USP9X: variants seen among roughly 807,000 people sequenced by gnomAD.
USP9X encodes ubiquitin carboxyl-terminal hydrolase 9X.
A neutral mutation model predicts 190.3 loss-of-function variants in USP9X; 7 were observed. The ratio of observed to expected loss-of-function variants is 0.04; its 90% CI spans 0.02 to 0.07. The LOEUF (loss-of-function observed/expected upper bound fraction) is 0.07, where lower values mean the gene tolerates loss of function less well. Ranked by LOEUF, USP9X falls within the 10% of genes least tolerant of loss-of-function variation. USP9X has a pLI of 1.00. For missense variants in USP9X, 1,010 were observed against 1,916.9 expected, an observed-to-expected ratio of 0.53 and a Z score of 8.83; for synonymous variants, 645 against 659.5, an observed-to-expected ratio of 0.98 and a Z score of 0.34.
intron 1 of USP9X, among the ~76,000 whole-genome samples, chrX:41,122,623 C>T (rs746561991): frequency 8.9e-6 from 1 of 112,101 alleles, no homozygotes; most frequent in East Asian, 2.8e-4. Context: ...TCCTTTAGCC[C>T]TGCTGTCCCA....
intron 44 of USP9X, among the ~76,000 whole-genome samples, chrX:41,231,167 G>C (rs2063356334): frequency 9.0e-6 from 1 of 111,684 alleles, no homozygotes; most frequent in Non-Finnish European, 1.9e-5. Flanking sequence ...GTGAGGCAGT[G>C]GTACTCAAAC....
At chrX:41,148,909 T>A (rs959470574) in intron 12 of USP9X, among the ~76,000 whole-genome samples, 6 of 112,143 alleles carry the variant, frequency 5.4e-5, no homozygotes, top group African/African-American at 1.9e-4. Flanking sequence ...AATTAGGTTT[T>A]CTTTGCTCAT....
At chrX:41,188,563 T>G (rs887510868) in intron 25 of USP9X, among the ~76,000 whole-genome samples, 1 of 112,228 alleles carries the variant, frequency 8.9e-6, no homozygotes, top group African/African-American at 3.2e-5. Flanking sequence ...GCAAATTATC[T>G]ACAGAAGAGA....
intron 29 of USP9X, among the ~76,000 whole-genome samples, chrX:41,197,882 G>A (rs1361636368): frequency 4.5e-5 from 5 of 110,015 alleles, no homozygotes; most frequent in African/African-American, 6.6e-5. Context: ...GTGTGGTGGC[G>A]CACACCCATG....
At chrX:41,152,333 C>T (rs2062535956) in intron 13 of USP9X, among the ~76,000 whole-genome samples, 1 of 112,013 alleles carries the variant, frequency 8.9e-6, no homozygotes, top group African/African-American at 3.2e-5. Flanking sequence ...CAGTAGTTCA[C>T]ATACTCTCCC....
Position 41,186,586 on chromosome X carries a change from T to C in USP9X, c.3628T>C (p.Ser1210Pro). The C allele has an allele frequency of 8.3e-7, 1 of 1,211,089 alleles. No individual in the cohort carries two copies. The highest frequency in any genetic ancestry group is 1.1e-6 in the Non-Finnish European group (1 of 894,998). The stretch of plus-strand genomic sequence containing the variant: ...CCTTCAGAGCATTCCTAATCCATCA[T>C]CCGAGTGCATGCTTAGAAATGTGTC... ...SALQSIPNPS[S>P]ECMLRNVSVR... The change falls in exon 24 of 45, where the codon TCC (serine) becomes CCC (proline). Residue 1210 changes from serine to proline, a missense_variant. Physicochemically the swap from Ser to Pro is moderately conservative, Grantham distance 74. Transcript: ENST00000378308.
intron 18 of USP9X, 32 bp from the exon 19 acceptor site, chrX:41,169,963 A>G (rs2062710483): frequency 8.3e-7 from 1 of 1,206,902 alleles, no homozygotes; most frequent in East Asian, 3.0e-5. Flanking sequence ...TCTGCTGAAT[A>G]TGATGATGTC....
At position 41,232,800 on chromosome X, in the gene USP9X, C is replaced by A; in HGVS notation, c.*276C>A. 5.9e-6 allele frequency: 1 copy of A among 168,265 alleles called. No individual in the cohort carries two copies. The allele number at this position is 168,265 out of a possible 1,213,427, so 13.9% of individuals were successfully genotyped here. Reference sequence around the variant, plus strand: ...TTAATGTTGACTGTTAATTCTTAAGCAAGAAACTTTTTTCTTGATGAGACT... The same window carrying A: ...TTAATGTTGACTGTTAATTCTTAAGAAAGAAACTTTTTTCTTGATGAGACT... On this transcript the variant is annotated 3_prime_UTR_variant, in exon 45 of 45. Transcript: ENST00000378308.
rs1467514520 is a variant in USP9X at position 41,175,226 on chromosome X, A to C, written c.3148+3268A>C. ...GCACTTGTGTGCTCTTTGGCTCAAG[A>C]TGTTTAAGATTAGGTCAAGTGTAGT... On this transcript the variant is annotated intron_variant, in intron 21 of 44. Coordinates refer to ENST00000378308, the MANE Select transcript of USP9X (RefSeq NM_001039591.3). Among the ~76,000 whole-genome samples the C allele has an allele frequency of 2.7e-5, 3 of 111,528 alleles. No individual in the cohort carries two copies. The East Asian group carries it at 8.4e-4, about 31-fold the overall frequency.
At chrX:41,197,575 T>C (rs2062996395) in intron 29 of USP9X, 65 bp downstream of exon 29, 2 of 990,369 alleles carry the variant, frequency 2.0e-6, no homozygotes, top group South Asian at 2.8e-5. Flanking sequence ...TAATCAAATT[T>C]AATTAATTTA....
chrX:41,149,111 T>C (rs1194596473), intron 12 of USP9X, among the ~76,000 whole-genome samples: 1 of 112,062 alleles, frequency 8.9e-6, no homozygotes, highest in African/African-American at 3.2e-5. Context: ...TGAACTGGTA[T>C]TTAGGTAAGA....
chrX:41,208,505 G>A (rs1373911169), intron 32 of USP9X, among the ~76,000 whole-genome samples: 1 of 111,785 alleles, frequency 8.9e-6, no homozygotes, highest in African/African-American at 3.3e-5. Flanking sequence ...AAGCGGGTTA[G>A]TTAACTACAC....
intron 26 of USP9X, among the ~76,000 whole-genome samples, chrX:41,193,944 C>T (rs1052137251): frequency 8.9e-6 from 1 of 112,153 alleles, no homozygotes; most frequent in Admixed American, 9.5e-5. Context: ...CGGGTATTCA[C>T]GAGCATCAAC....
chrX:41,214,004 T>C (rs1202111601), intron 33 of USP9X, among the ~76,000 whole-genome samples: 6 of 112,267 alleles, frequency 5.3e-5, no homozygotes, highest in Non-Finnish European at 3.8e-5. Context: ...TCACCAGAAA[T>C]TGGAAAGTCT....
At position 41,148,572 on chromosome X, in the gene USP9X, C is replaced by T; in HGVS notation, c.1623C>T (p.Ser541=). The T allele has an allele frequency of 8.3e-7, 1 of 1,210,427 alleles. No homozygotes were observed. Among genetic ancestry groups the T allele is most frequent in the Non-Finnish European group, 1.1e-6 (1 of 894,597 alleles). Residue 541 remains serine, a synonymous_variant, in exon 12 of 45, where the codon TCC becomes TCT. Coordinates refer to ENST00000378308, the MANE Select transcript of USP9X (RefSeq NM_001039591.3). ...AHIKILDYSC[S]QDRDTQKIQW... is the part of the protein sequence containing the mutation. ...TAAAAATACTAGATTACAGTTGCTCCCAGGTAAGAGTGTACTGCTTTGCTC... is the reference window on the plus strand; with the variant it reads ...TAAAAATACTAGATTACAGTTGCTCTCAGGTAAGAGTGTACTGCTTTGCTC...
intron 31 of USP9X, among the ~76,000 whole-genome samples, chrX:41,203,720 CAG>C (rs2063063524): frequency 9.0e-6 from 1 of 110,587 alleles, no homozygotes; most frequent in Admixed American, 9.7e-5. Flanking sequence ...TTTTTTCAGA[CAG>C]AGTCTCACTC....
rs2063232086 is a variant in USP9X at position 41,218,438 on chromosome X, C to T, written c.6276C>T (p.Val2092=). The change falls in exon 37 of 45, where the codon GTC becomes GTT. Residue 2092 remains valine (V), a synonymous_variant. Transcript: ENST00000378308. ...TACGTTTTTGGTTTGCTCATAACGT[C>T]CTTTTTAATGTTTCAAATCGCTTCT... ...KNVRFWFAHN[V]LFNVSNRFSE... The T allele has an allele frequency of 3.3e-6, 4 of 1,209,683 alleles. No individual in the cohort carries two copies. In the Admixed American group the frequency reaches 8.8e-5, roughly 26 times the overall value.
chrX:41,217,272 A>G lies in USP9X; in HGVS notation c.6138A>G (p.Gln2046=), dbSNP rs746722911. Reference sequence around the variant, plus strand: ...AAGAAATCACTATGATCAGTATTCAACTTGCTGCTAGGTTCCTCTTTACTA... The same window carrying G: ...AAGAAATCACTATGATCAGTATTCAGCTTGCTGCTAGGTTCCTCTTTACTA... ...EAEEITMISI[Q]LAARFLFTTG... Residue 2046 remains glutamine, a synonymous_variant, in exon 36 of 45, where the codon CAA becomes CAG. Transcript: ENST00000378308. The G allele has an allele frequency of 1.3e-5, 16 of 1,209,144 alleles. No homozygotes were observed. The highest frequency in any genetic ancestry group is 1.7e-5 in the Non-Finnish European group (15 of 894,695).
chrX:41,126,037 T>C (rs1038134571), intron 2 of USP9X, among the ~76,000 whole-genome samples: 1 of 111,336 alleles, frequency 9.0e-6, no homozygotes, highest in Non-Finnish European at 1.9e-5. Flanking sequence ...AAAAGTGTTA[T>C]TTTGAAGTTT....
Sources: allele counts gnomAD v4.1 joint callset (sites outside exome capture counted in the v4.1 genomes callset), GRCh38; gene constraint gnomAD v4.1.1; transcripts MANE v1.5; gene names NCBI Gene and HGNC (gene_info 2026-07-23, HGNC 2026-07-21).